The following TRIM49 variants were observed in gnomAD, a reference collection of about 807,000 sequenced individuals.
TRIM49 encodes tripartite motif-containing protein 49.
Under a neutral mutation model 27.4 loss-of-function variants are expected in TRIM49, and 5 were observed. The ratio of observed to expected loss-of-function variants is 0.18; its 90% CI spans 0.10 to 0.38. The LOEUF (loss-of-function observed/expected upper bound fraction) is 0.38. TRIM49 is among the 10% of genes least tolerant of loss of function. TRIM49 has a pLI of 1.00. For synonymous variants in TRIM49, 69 were observed against 166.0 expected (o/e 0.42, Z 4.49); for missense variants, 188 against 487.5 (o/e 0.39, Z 5.79).
the TRIM49 span, among the ~76,000 whole-genome samples, chr11:89,773,196 A>G: frequency 2.2e-5 from 3 of 135,208 alleles, 1 homozygote; most frequent in Non-Finnish European, 4.6e-5. Flanking sequence ...GTCTCAAAAA[A>G]AAAGTAATAA....
At chr11:89,804,900 A>G (rs1211988767) in intron 2 of TRIM49, among the ~76,000 whole-genome samples, 1 of 151,138 alleles carries the variant, frequency 6.6e-6, no homozygotes, top group Non-Finnish European at 1.5e-5. Flanking sequence ...CCAAAGAAAT[A>G]TGAGAAGATG....
chr11:89,785,949 G>A, the TRIM49 span: 2 of 141,142 alleles, frequency 1.4e-5, no homozygotes. Context: ...CTCCGGCATG[G>A]TGCTGCTGGC....
intron 3 of TRIM49, 120 bp downstream of exon 3, chr11:89,803,939 A>G: frequency 6.3e-7 from 1 of 1,576,126 alleles, no homozygotes; most frequent in Non-Finnish European, 8.6e-7. Flanking sequence ...GAAGCTAAGA[A>G]AGCCCAAACA....
chr11:89,791,302 G>T, the TRIM49 span, among the ~76,000 whole-genome samples: 586 of 152,234 alleles, frequency 3.8e-3, 2 homozygotes, highest in African/African-American at 0.013. Context: ...GTATGGATAC[G>T]AGTTGGAAAA....
chr11:89,768,402 C>G, the TRIM49 span: 3 of 706,398 alleles, frequency 4.2e-6, no homozygotes, highest in South Asian at 1.6e-5. Flanking sequence ...CCTCCACAAT[C>G]CTAGGATGGG....
intron 6 of TRIM49, among the ~76,000 whole-genome samples, chr11:89,800,665 C>A (rs1290362780): frequency 6.7e-6 from 1 of 150,218 alleles, no homozygotes; most frequent in Admixed American, 6.6e-5. Flanking sequence ...ATGGTGTGAA[C>A]CCGGGAGGCG....
chr11:89,784,086 GA>G, the TRIM49 span, among the ~76,000 whole-genome samples: 1 of 123,388 alleles, frequency 8.1e-6, no homozygotes. Flanking sequence ...ATATATCTGG[GA>G]ATGCTGTTTA....
chr11:89,790,334 G>C, the TRIM49 span, among the ~76,000 whole-genome samples: 1 of 143,630 alleles, frequency 7.0e-6, no homozygotes, highest in Non-Finnish European at 1.5e-5. Flanking sequence ...GTGGGGGCAG[G>C]GCATAGCTGA....
chr11:89,768,819 C>T, the TRIM49 span: 1 of 504,962 alleles, frequency 2.0e-6, no homozygotes. Flanking sequence ...CATACCTTGC[C>T]ACCATGTCTC....
the TRIM49 span, chr11:89,777,044 T>A: frequency 6.5e-7 from 1 of 1,549,328 alleles, no homozygotes; most frequent in Non-Finnish European, 8.7e-7. Context: ...CGTGAACTAC[T>A]TCATAGACCG....
chr11:89,768,519 A>T, the TRIM49 span, among the ~76,000 whole-genome samples: 4 of 134,848 alleles, frequency 3.0e-5, no homozygotes, highest in African/African-American at 1.4e-4. Context: ...GTTGATCTCT[A>T]ATTATGATTC....
In TRIM49 at chr11:89,803,578, C is replaced by T. The variant is rs1269662115; in HGVS notation, c.507+120G>A. The T allele has an allele frequency of 8.7e-5, 132 of 1,522,646 alleles. No individual in the cohort carries two copies. The African/African-American group carries it at 1.5e-3, about 17-fold the overall frequency. 94.3% of individuals were successfully genotyped at this position (1,522,646 alleles called of 1,614,324 possible). A position where few individuals can be genotyped will look rare whatever the true frequency, so the allele number is the denominator to read the frequency against. On this transcript the variant is annotated intron_variant, in intron 4 of 7. Transcript: ENST00000329758. ...GCCACTTTTTCTCAGTGTTTTCTCT[C>T]GCCTTTTTTTTTTTACTGTATCCCA...
chr11:89,805,997 G>C (rs567101229), intron 2 of TRIM49, among the ~76,000 whole-genome samples: 1 of 150,984 alleles, frequency 6.6e-6, no homozygotes, highest in Non-Finnish European at 1.5e-5. Context: ...TGGGATTCTA[G>C]GCACGCGCCA....
At chr11:89,767,392 C>T in the TRIM49 span, among the ~76,000 whole-genome samples, 1 of 127,450 alleles carries the variant, frequency 7.8e-6, no homozygotes, top group Non-Finnish European at 1.5e-5. Context: ...ACCTCCATTG[C>T]CTCTTCTCTG....
At chr11:89,768,378 G>A in the TRIM49 span, 18 of 932,230 alleles carry the variant, frequency 1.9e-5, 2 homozygotes, top group Admixed American at 3.5e-4. Flanking sequence ...AACCACTTCT[G>A]ATATTGTAAT....
At chr11:89,793,274 A>T (rs992021729), downstream of TRIM49, among the ~76,000 whole-genome samples, 1 of 152,080 alleles carries the variant, frequency 6.6e-6, no homozygotes, top group African/African-American at 2.4e-5. Context: ...CCGGGTCCGG[A>T]TGGATTCACA....
At chr11:89,802,772 T>C (rs1949748975) in intron 4 of TRIM49, among the ~76,000 whole-genome samples, 1 of 150,682 alleles carries the variant, frequency 6.6e-6, no homozygotes, top group African/African-American at 2.5e-5. Flanking sequence ...CAAACACTAA[T>C]CTCCAGTTTC....
downstream of TRIM49, among the ~76,000 whole-genome samples, chr11:89,797,225 C>A (rs1433998457): frequency 6.6e-6 from 1 of 151,400 alleles, no homozygotes; most frequent in African/African-American, 2.4e-5. Context: ...GTTGAGTTCA[C>A]TGTCTTTTAT....
At chr11:89,789,990 G>T in the TRIM49 span, among the ~76,000 whole-genome samples, 1 of 147,168 alleles carries the variant, frequency 6.8e-6, no homozygotes, top group Non-Finnish European at 1.5e-5. Context: ...GAGGGGTCAG[G>T]GAATTCCCTT....
Sources: allele counts gnomAD v4.1 joint callset (sites outside exome capture counted in the v4.1 genomes callset), GRCh38; gene constraint gnomAD v4.1.1; transcripts MANE v1.5; gene names NCBI Gene and HGNC (gene_info 2026-07-23, HGNC 2026-07-21).